The following NUDT3 variants were observed in gnomAD, a reference collection of about 807,000 sequenced individuals.
NUDT3 encodes diphosphoinositol polyphosphate phosphohydrolase 1.
Under a neutral mutation model 23.6 loss-of-function variants are expected in NUDT3, and 9 were observed. The observed-to-expected ratio is 0.38, with a 90% confidence interval of 0.23 to 0.66. The LOEUF is 0.66. NUDT3 is among the 30% of genes least tolerant of loss of function. The pLI is 0.52. For missense variants in NUDT3, 172 were observed against 218.5 expected, an observed-to-expected ratio of 0.79 and a Z score of 1.34; for synonymous variants, 86 against 82.6, an observed-to-expected ratio of 1.04 and a Z score of -0.22.
intron 2 of NUDT3, among the ~76,000 whole-genome samples, chr6:34,323,912 T>C (rs982930859): frequency 6.6e-6 from 1 of 152,232 alleles, no homozygotes; most frequent in African/African-American, 2.4e-5. Context: ...TTCTTTGCGC[T>C]GTCTTTTCAT....
At chr6:34,353,708 TG>T (rs1448983492) in intron 1 of NUDT3, among the ~76,000 whole-genome samples, 6 of 151,668 alleles carry the variant, frequency 4.0e-5, no homozygotes, top group African/African-American at 1.5e-4. Context: ...GCCTTGCTTT[TG>T]TTTTTGTTTT....
At chr6:34,363,195 T>C (rs9469774) in intron 1 of NUDT3, among the ~76,000 whole-genome samples, 2,838 of 152,182 alleles carry the variant, frequency 0.019, 55 homozygotes, top group African/African-American at 0.052. Flanking sequence ...AACTGAGAGG[T>C]TGCATAATAT....
chr6:34,392,377 T>TG lies in NUDT3; in HGVS notation c.-16dup, dbSNP rs762066371. ...AGCTTCATCATCCTCCGGGCCCGGG[T>TG]GGGGGTGCGGTGCGGGTCGCAGGAG... On this transcript the variant is annotated 5_prime_UTR_variant, in exon 1 of 5. Transcript: ENST00000607016. 1 of 1,589,348 alleles carries TG rather than the reference T, an allele frequency of 6.3e-7. No individual in the cohort carries two copies. Among genetic ancestry groups the TG allele is most frequent in the Non-Finnish European group, 8.6e-7 (1 of 1,169,440 alleles).
chr6:34,363,845 T>G (rs2113753911), intron 1 of NUDT3, among the ~76,000 whole-genome samples: 1 of 152,144 alleles, frequency 6.6e-6, no homozygotes, highest in South Asian at 2.1e-4. Context: ...CGATCTCAGC[T>G]CACTGCAACC....
At chr6:34,340,638 A>C (rs1402615983) in intron 2 of NUDT3, among the ~76,000 whole-genome samples, 1 of 152,130 alleles carries the variant, frequency 6.6e-6, no homozygotes, top group Non-Finnish European at 1.5e-5. Context: ...CCTCTCTGTC[A>C]ATGTTTATCA....
intron 2 of NUDT3, among the ~76,000 whole-genome samples, chr6:34,330,031 T>G (rs898215520): frequency 3.9e-5 from 6 of 152,254 alleles, no homozygotes; most frequent in African/African-American, 1.4e-4. Context: ...TGCCACATTT[T>G]CTTAATCCAG....
Position 34,350,360 on chromosome 6 carries a change from C to A in NUDT3, c.100-8388G>T, listed in dbSNP as rs986206089. Among the ~76,000 whole-genome samples, 10 of 150,888 alleles carry A rather than the reference C, an allele frequency of 6.6e-5. 1 individual carries two copies. The highest frequency in any genetic ancestry group is 2.5e-4 in the African/African-American group (10 of 40,538). ...GATCCTATCAAATTTGTGATATGCT[C>A]TGCAAATTGCATCTTCAGATGAGCC... On this transcript the variant is annotated intron_variant, in intron 1 of 4. Transcript: ENST00000607016.
At chr6:34,296,731 T>G (rs1421608989) in intron 2 of NUDT3, among the ~76,000 whole-genome samples, 1 of 152,158 alleles carries the variant, frequency 6.6e-6, no homozygotes, top group Non-Finnish European at 1.5e-5. Context: ...CAAGATCCCA[T>G]GGGATTAAGA....
intron 1 of NUDT3, among the ~76,000 whole-genome samples, chr6:34,354,382 G>A (rs2113746284): frequency 7.2e-6 from 1 of 138,188 alleles, no homozygotes; most frequent in Admixed American, 7.2e-5. Flanking sequence ...GCAGTATAGT[G>A]AGATTTCATT....
chr6:34,350,686 A>T lies in NUDT3; in HGVS notation c.100-8714T>A, dbSNP rs1022985219. Among the ~76,000 whole-genome samples the T allele has an allele frequency of 5.4e-4, 82 of 150,988 alleles. 3 individuals are homozygous for T. The highest frequency in any genetic ancestry group is 5.4e-3 in the Admixed American group (82 of 15,166). On this transcript the variant is annotated intron_variant, in intron 1 of 4. Coordinates refer to ENST00000607016, the MANE Select transcript of NUDT3 (RefSeq NM_006703.4). ...TTCTACTATTTTTAATAGTTATTTT[A>T]AAAATTTAAAACTATTTTTTTTAGC...
At chr6:34,301,409 T>C (rs1763594930) in intron 2 of NUDT3, among the ~76,000 whole-genome samples, 1 of 152,366 alleles carries the variant, frequency 6.6e-6, no homozygotes, top group African/African-American at 2.4e-5. Context: ...AGACTTGCCT[T>C]GTGTCTTCGG....
intron 2 of NUDT3, among the ~76,000 whole-genome samples, chr6:34,300,608 G>A (rs1763584260): frequency 6.6e-6 from 1 of 152,194 alleles, no homozygotes; most frequent in African/African-American, 2.4e-5. Context: ...TGTGAAAGCT[G>A]GAGCTGCTAC....
intron 1 of NUDT3, among the ~76,000 whole-genome samples, chr6:34,377,999 A>T (rs1764953461): frequency 1.3e-5 from 2 of 152,008 alleles, no homozygotes; most frequent in Admixed American, 1.3e-4. Flanking sequence ...GCATGAAGAA[A>T]TTTTTACTAC....
chr6:34,322,058 G>A (rs930190211), intron 2 of NUDT3, among the ~76,000 whole-genome samples: 1 of 152,088 alleles, frequency 6.6e-6, no homozygotes, highest in African/African-American at 2.4e-5. Context: ...GATGCCATAC[G>A]GAACAACGAA....
At chr6:34,377,687 G>C (rs1238118696) in intron 1 of NUDT3, among the ~76,000 whole-genome samples, 1 of 151,956 alleles carries the variant, frequency 6.6e-6, no homozygotes, top group Non-Finnish European at 1.5e-5. Flanking sequence ...ACAAAAATTG[G>C]CCAGGTGTGG....
chr6:34,341,125 TTA>T (rs1238981336), intron 2 of NUDT3, among the ~76,000 whole-genome samples: 1 of 152,130 alleles, frequency 6.6e-6, no homozygotes, highest in Non-Finnish European at 1.5e-5. Context: ...CACAACTGAG[TTA>T]TGAGTCCTAA....
At chr6:34,312,037 C>T (rs1763781623) in intron 2 of NUDT3, among the ~76,000 whole-genome samples, 1 of 152,072 alleles carries the variant, frequency 6.6e-6, no homozygotes, top group African/African-American at 2.4e-5. Flanking sequence ...AGATGCAACA[C>T]CAAAGGCAGA....
chr6:34,331,786 A>T (rs1011549617), intron 2 of NUDT3, among the ~76,000 whole-genome samples: 1 of 152,244 alleles, frequency 6.6e-6, no homozygotes, highest in South Asian at 2.1e-4. Context: ...TTTCCTAAAC[A>T]ATATAGTATA....
intron 1 of NUDT3, among the ~76,000 whole-genome samples, chr6:34,353,734 G>A (rs753871449): frequency 9.9e-5 from 15 of 151,782 alleles, no homozygotes; most frequent in African/African-American, 4.8e-5. Flanking sequence ...ACAGGATCTC[G>A]TTCTGTCACC....
Sources: allele counts gnomAD v4.1 joint callset (sites outside exome capture counted in the v4.1 genomes callset), GRCh38; gene constraint gnomAD v4.1.1; transcripts MANE v1.5; gene names NCBI Gene and HGNC (gene_info 2026-07-23, HGNC 2026-07-21).